The following VPS41 variants were observed in gnomAD, a reference collection of about 807,000 sequenced individuals.
The protein encoded by VPS41 is VPS41 subunit of HOPS complex.
A neutral mutation model predicts 130.9 loss-of-function variants in VPS41; 85 were observed. That is an observed-to-expected ratio of 0.65 (90% CI 0.55 to 0.78). VPS41 has a LOEUF of 0.78. Ranked by LOEUF, VPS41 falls within the 30% of genes least tolerant of loss-of-function variation. The pLI is 0.00. For synonymous variants in VPS41, 335 were observed against 332.9 expected (o/e 1.01, Z -0.07); for missense variants, 874 against 1,018.7 (o/e 0.86, Z 1.93).
At chr7:38,889,172 G>A (rs1279641426) in intron 2 of VPS41, among the ~76,000 whole-genome samples, 3 of 146,638 alleles carry the variant, frequency 2.0e-5, no homozygotes, top group African/African-American at 7.9e-5. Context: ...CAACATTCAT[G>A]TTATTACAGT....
chr7:38,826,571 A>G (rs962333066), intron 5 of VPS41, among the ~76,000 whole-genome samples: 3 of 152,176 alleles, frequency 2.0e-5, no homozygotes, highest in African/African-American at 4.8e-5. Context: ...TTTCTGTTCT[A>G]GGTTCTATTC....
chr7:38,772,876 G>C (rs1784181599), intron 12 of VPS41, among the ~76,000 whole-genome samples: 1 of 151,892 alleles, frequency 6.6e-6, no homozygotes, highest in African/African-American at 2.4e-5. Context: ...AAAAGCAAGA[G>C]AGGGAAGGAG....
chr7:38,824,480 G>GA (rs1395025713), intron 5 of VPS41, among the ~76,000 whole-genome samples: 39 of 152,248 alleles, frequency 2.6e-4, no homozygotes, highest in African/African-American at 8.9e-4. Context: ...TGATTCTATA[G>GA]AAAAATGACT....
At chr7:38,779,947 AATTCT>A (rs1212710652) in intron 10 of VPS41, among the ~76,000 whole-genome samples, 1 of 152,172 alleles carries the variant, frequency 6.6e-6, no homozygotes, top group Non-Finnish European at 1.5e-5. Context: ...CTTTCACTAA[AATTCT>A]ATTCTATTCC....
chr7:38,740,521 C>G (rs1795859847), intron 25 of VPS41, among the ~76,000 whole-genome samples: 1 of 152,178 alleles, frequency 6.6e-6, no homozygotes, highest in Non-Finnish European at 1.5e-5. Context: ...CATTCTCCTT[C>G]CAATAACCTT....
chr7:38,839,453 C>T (rs3779124), intron 4 of VPS41, among the ~76,000 whole-genome samples: 90,674 of 151,984 alleles, frequency 0.6, 27,756 homozygotes, highest in East Asian at 0.89. Context: ...AACAGAGTCT[C>T]GCTCTGTCGC....
intron 4 of VPS41, among the ~76,000 whole-genome samples, chr7:38,860,323 T>C (rs1562613606): frequency 6.6e-6 from 1 of 152,182 alleles, no homozygotes; most frequent in Non-Finnish European, 1.5e-5. Context: ...AGGTACAACT[T>C]ATATAGAATA....
intron 7 of VPS41, among the ~76,000 whole-genome samples, chr7:38,811,616 CA>C (rs1452792766): frequency 3.3e-5 from 5 of 150,378 alleles, no homozygotes; most frequent in South Asian, 2.1e-4. Flanking sequence ...CACACACACA[CA>C]CACCCCTCCA....
At chr7:38,734,293 T>A (rs1215849238) in intron 25 of VPS41, among the ~76,000 whole-genome samples, 1 of 152,228 alleles carries the variant, frequency 6.6e-6, no homozygotes, top group African/African-American at 2.4e-5. Flanking sequence ...TCTTCTTACA[T>A]CCTACTCCAG....
intron 1 of VPS41, 138 bp downstream of exon 1, chr7:38,909,016 C>A: frequency 9.4e-6 from 9 of 953,024 alleles, no homozygotes; most frequent in Non-Finnish European, 9.9e-6. Context: ...CTTTCGCCAT[C>A]CCACCCCGCC....
At chr7:38,750,660 TC>T (rs954343366) in intron 22 of VPS41, among the ~76,000 whole-genome samples, 41 of 152,136 alleles carry the variant, frequency 2.7e-4, no homozygotes, top group African/African-American at 9.9e-4. Flanking sequence ...ATTCTGCTGC[TC>T]CCTACTGGGT....
chr7:38,763,989 A>G (rs1271510289), intron 16 of VPS41, among the ~76,000 whole-genome samples: 1 of 152,202 alleles, frequency 6.6e-6, no homozygotes, highest in African/African-American at 2.4e-5. Context: ...TGTGTTCTTC[A>G]GATATTTTCA....
At chr7:38,858,794 T>C (rs1786040014) in intron 4 of VPS41, among the ~76,000 whole-genome samples, 1 of 152,204 alleles carries the variant, frequency 6.6e-6, no homozygotes, top group African/African-American at 2.4e-5. Flanking sequence ...TACGTGATAA[T>C]GACAATAAAT....
intron 17 of VPS41, among the ~76,000 whole-genome samples, chr7:38,759,326 C>T (rs1287157064): frequency 1.3e-5 from 2 of 152,122 alleles, no homozygotes; most frequent in African/African-American, 4.8e-5. Context: ...GCGGAAAAAC[C>T]CAGATATTTG....
chr7:38,870,943 TA>T (rs527407761), intron 2 of VPS41, among the ~76,000 whole-genome samples: 4 of 147,168 alleles, frequency 2.7e-5, no homozygotes, highest in African/African-American at 7.5e-5. Flanking sequence ...GTGAAATGAG[TA>T]AAAAAAAATA....
At chr7:38,775,712 C>T (rs1784246300) in intron 11 of VPS41, 1 of 152,014 alleles carries the variant, frequency 6.6e-6, no homozygotes, top group Non-Finnish European at 1.5e-5. Context: ...CTTCAGGTTA[C>T]TATAGTGATG....
intron 22 of VPS41, among the ~76,000 whole-genome samples, chr7:38,748,197 GACACACACAACACATGCGCGCGCGTGC>G (rs1225446697): frequency 3.3e-4 from 51 of 152,286 alleles, no homozygotes; most frequent in Middle Eastern, 6.8e-3. Context: ...TTTTAAAGTA[GACACACACAACACATGCGCGCGCGTGC>G]GCGCACACAC....
rs745766296 is a variant in VPS41, at chr7:38,771,218, T to C, written c.1165A>G (p.Ile389Val). The change falls in exon 14 of 29, where the codon ATT becomes GTT. Residue 389 changes from isoleucine (I) to valine (V), a missense_variant. Coordinates refer to ENST00000310301, the MANE Select transcript of VPS41 (RefSeq NM_014396.4). ...LMAAEISQKN[I>V]KRHKILDIGL... Reference sequence around the variant, plus strand: ...CTTACCAGAATCTTATGTCTTTTAATATTTTTTTGGCTAATTTCAGCTGCC... The same window carrying C: ...CTTACCAGAATCTTATGTCTTTTAACATTTTTTTGGCTAATTTCAGCTGCC... The C allele has an allele frequency of 1.2e-6, 2 of 1,601,804 alleles. No homozygotes were observed. Among genetic ancestry groups the C allele is most frequent in the South Asian group, 1.1e-5 (1 of 90,602 alleles).
chr7:38,895,899 A>G (rs981709631), intron 2 of VPS41, among the ~76,000 whole-genome samples: 1 of 152,082 alleles, frequency 6.6e-6, no homozygotes, highest in African/African-American at 2.4e-5. Context: ...CACTAAGATG[A>G]TTTTTATGTG....
Sources: gnomAD v4.1 joint callset for allele counts (sites outside exome capture counted in the v4.1 genomes callset) on GRCh38, gnomAD v4.1.1 for gene constraint, MANE v1.5 for transcripts, NCBI Gene and HGNC (gene_info 2026-07-23, HGNC 2026-07-21) for gene names.